ITGBL1: variants seen among roughly 807,000 people sequenced by gnomAD.
ITGBL1 encodes integrin beta-like protein 1.
A neutral mutation model predicts 68.5 loss-of-function variants in ITGBL1; 51 were observed. The ratio of observed to expected loss-of-function variants is 0.74; its 90% CI spans 0.59 to 0.94. The LOEUF (loss-of-function observed/expected upper bound fraction) is 0.94. ITGBL1 is among the 40% of genes least tolerant of loss of function. The probability of loss-of-function intolerance (pLI) is 0.00; values close to 1 mark genes in which losing one functional copy is unlikely to be tolerated. For missense variants in ITGBL1, 649 were observed against 647.4 expected (o/e 1.00, Z -0.03); for synonymous variants, 209 against 227.3 (o/e 0.92, Z 0.72).
chr13:101,695,755 TGTTAAACTC>T (rs2033987418), intron 8 of ITGBL1, among the ~76,000 whole-genome samples: 2 of 152,210 alleles, frequency 1.3e-5, no homozygotes. Context: ...TCCAGCACTC[TGTTAAACTC>T]CTAGCTCTGG....
intron 2 of ITGBL1, among the ~76,000 whole-genome samples, chr13:101,498,879 C>T (rs761252312): frequency 1.3e-5 from 2 of 152,032 alleles, no homozygotes; most frequent in African/African-American, 2.4e-5. Context: ...GGGGAGGCCT[C>T]GCAGTCATGG....
intron 2 of ITGBL1, among the ~76,000 whole-genome samples, chr13:101,518,120 TAAGA>T (rs2049224999): frequency 6.6e-6 from 1 of 152,210 alleles, no homozygotes; most frequent in Non-Finnish European, 1.5e-5. Flanking sequence ...ATGAAAATGT[TAAGA>T]AAGGAACCAA....
intron 2 of ITGBL1, among the ~76,000 whole-genome samples, chr13:101,541,377 C>G (rs2049698003): frequency 6.6e-6 from 1 of 151,938 alleles, no homozygotes; most frequent in African/African-American, 2.4e-5. Flanking sequence ...GTGTGTTGAA[C>G]CAGCCTTGCA....
chr13:101,687,092 T>C (rs1394099557), intron 7 of ITGBL1, among the ~76,000 whole-genome samples: 1 of 152,140 alleles, frequency 6.6e-6, no homozygotes, highest in East Asian at 1.9e-4. Context: ...ATGTTTAGGG[T>C]TTAATTTTGG....
chr13:101,528,925 T>C (rs1185093918), intron 2 of ITGBL1, among the ~76,000 whole-genome samples: 1 of 151,900 alleles, frequency 6.6e-6, no homozygotes, highest in Admixed American at 6.6e-5. Flanking sequence ...TAAATAAAAA[T>C]ATCAACTTGT....
chr13:101,587,364 C>T (rs1283207264), intron 6 of ITGBL1, among the ~76,000 whole-genome samples: 1 of 152,104 alleles, frequency 6.6e-6, no homozygotes, highest in Non-Finnish European at 1.5e-5. Flanking sequence ...TTCATTTGCC[C>T]ATACACCAAC....
chr13:101,714,636 C>A, intron 10 of ITGBL1, 85 bp downstream of exon 10: 1 of 853,300 alleles, frequency 1.2e-6, no homozygotes, highest in Non-Finnish European at 2.0e-6. Flanking sequence ...CTTTAGGTGG[C>A]TGGACCAACA....
chr13:101,498,792 T>G (rs2048895486), intron 2 of ITGBL1, among the ~76,000 whole-genome samples: 1 of 152,176 alleles, frequency 6.6e-6, no homozygotes, highest in Non-Finnish European at 1.5e-5. Context: ...GTTTTTAGGC[T>G]GCTGATAAAG....
At chr13:101,644,744 T>C (rs186419274) in intron 7 of ITGBL1, among the ~76,000 whole-genome samples, 107 of 152,296 alleles carry the variant, frequency 7.0e-4, no homozygotes, top group Middle Eastern at 3.4e-3. Flanking sequence ...AGTAACTCTT[T>C]TTTAGATGAG....
intron 2 of ITGBL1, among the ~76,000 whole-genome samples, chr13:101,515,196 T>C (rs1440543180): frequency 6.6e-6 from 1 of 152,120 alleles, no homozygotes; most frequent in Non-Finnish European, 1.5e-5. Flanking sequence ...ACATTTTAAA[T>C]ATTAATGTTA....
chr13:101,624,727 G>T (rs774703085), intron 7 of ITGBL1, among the ~76,000 whole-genome samples: 10 of 152,130 alleles, frequency 6.6e-5, no homozygotes, highest in Non-Finnish European at 1.3e-4. Flanking sequence ...CAACCAGCTG[G>T]AGCCACCCAC....
intron 7 of ITGBL1, among the ~76,000 whole-genome samples, chr13:101,618,965 C>A (rs1008556952): frequency 1.3e-5 from 2 of 152,006 alleles, no homozygotes; most frequent in African/African-American, 2.4e-5. Context: ...ATTTGGGTCA[C>A]CACTGGGGGC....
intron 2 of ITGBL1, among the ~76,000 whole-genome samples, chr13:101,487,900 G>C (rs1490133283): frequency 6.6e-6 from 1 of 152,210 alleles, no homozygotes; most frequent in South Asian, 2.1e-4. Flanking sequence ...TCCGAAGACA[G>C]GAATTGTTAA....
intron 2 of ITGBL1, among the ~76,000 whole-genome samples, chr13:101,494,404 T>C (rs1276445990): frequency 6.6e-6 from 1 of 152,164 alleles, no homozygotes; most frequent in East Asian, 1.9e-4. Flanking sequence ...CTGGCAAACA[T>C]TGGAAAAGGG....
At chr13:101,658,303 A>G (rs974008659) in intron 7 of ITGBL1, among the ~76,000 whole-genome samples, 7 of 152,202 alleles carry the variant, frequency 4.6e-5, no homozygotes, top group African/African-American at 1.4e-4. Flanking sequence ...AGATGAAATT[A>G]TATTGCATTG....
chr13:101,562,445 C>G (rs993323840), intron 2 of ITGBL1, among the ~76,000 whole-genome samples: 1 of 151,876 alleles, frequency 6.6e-6, no homozygotes, highest in African/African-American at 2.4e-5. Context: ...TAAGAAATGA[C>G]TTTAAGACAT....
chr13:101,608,243 T>A (rs2030965489), intron 7 of ITGBL1, among the ~76,000 whole-genome samples: 1 of 152,104 alleles, frequency 6.6e-6, no homozygotes, highest in Non-Finnish European at 1.5e-5. Context: ...AATAGTAGCA[T>A]GCCAAATTCT....
chr13:101,604,057 T>C (rs2030548804), intron 7 of ITGBL1, among the ~76,000 whole-genome samples: 1 of 151,940 alleles, frequency 6.6e-6, no homozygotes, highest in Non-Finnish European at 1.5e-5. Context: ...ATGTATACTT[T>C]TAACAAATGC....
chr13:101,719,252 T>TAAC (rs1281907016), downstream of ITGBL1: 3 of 152,086 alleles, frequency 2.0e-5, no homozygotes, highest in South Asian at 2.1e-4. Flanking sequence ...CTGATAAAAA[T>TAAC]AACAACTTTT....
Sources: allele counts gnomAD v4.1 joint callset (sites outside exome capture counted in the v4.1 genomes callset), GRCh38; gene constraint gnomAD v4.1.1; transcripts MANE v1.5; gene names NCBI Gene and HGNC (gene_info 2026-07-23, HGNC 2026-07-21).